SLC24A3: variants seen among roughly 807,000 people sequenced by gnomAD.
The protein encoded by SLC24A3 is solute carrier family 24 member 3.
Under a neutral mutation model 75.8 loss-of-function variants are expected in SLC24A3, and 28 were observed. The observed-to-expected ratio is 0.37, with a 90% confidence interval of 0.27 to 0.51. The LOEUF is 0.51. SLC24A3 is among the 20% of genes least tolerant of loss of function. The probability of loss-of-function intolerance (pLI) is 0.94; values close to 1 mark genes in which losing one functional copy is unlikely to be tolerated. For missense variants in SLC24A3, 663 were observed against 847.8 expected (o/e 0.78, Z 2.71); for synonymous variants, 372 against 334.1 (o/e 1.11, Z -1.24).
chr20:19,237,475 G>A (rs992156497), intron 1 of SLC24A3, among the ~76,000 whole-genome samples: 8 of 152,134 alleles, frequency 5.3e-5, no homozygotes, highest in African/African-American at 1.9e-4. Flanking sequence ...TGCTTTGTGG[G>A]TTCGGCACCT....
At chr20:19,408,405 T>A (rs1313425316) in intron 2 of SLC24A3, among the ~76,000 whole-genome samples, 1 of 151,758 alleles carries the variant, frequency 6.6e-6, no homozygotes, top group Admixed American at 6.6e-5. Flanking sequence ...TTTTTTTTTT[T>A]TTGAGACAGA....
intron 2 of SLC24A3, among the ~76,000 whole-genome samples, chr20:19,382,353 T>C (rs1986197054): frequency 6.6e-6 from 1 of 152,174 alleles, no homozygotes; most frequent in South Asian, 2.1e-4. Context: ...ATCTGAGTAA[T>C]TGAAGCTGTA....
intron 6 of SLC24A3, among the ~76,000 whole-genome samples, chr20:19,648,120 AG>A (rs1478811254): frequency 1.3e-5 from 2 of 152,300 alleles, no homozygotes; most frequent in Non-Finnish European, 2.9e-5. Flanking sequence ...GTTTTTTAAA[AG>A]TGTACTTCAT....
chr20:19,470,925 G>A (rs1217550232), intron 2 of SLC24A3, among the ~76,000 whole-genome samples: 3 of 152,304 alleles, frequency 2.0e-5, no homozygotes, highest in South Asian at 4.1e-4. Flanking sequence ...AAAACACTGT[G>A]GGGGTTCGAA....
intron 1 of SLC24A3, among the ~76,000 whole-genome samples, chr20:19,227,595 A>G (rs977487011): frequency 2.6e-5 from 4 of 152,208 alleles, no homozygotes; most frequent in Non-Finnish European, 5.9e-5. Context: ...AATTTAATTT[A>G]AACAGATTAA....
chr20:19,404,713 T>C (rs1986611550), intron 2 of SLC24A3, among the ~76,000 whole-genome samples: 1 of 152,140 alleles, frequency 6.6e-6, no homozygotes, highest in Non-Finnish European at 1.5e-5. Context: ...GTGTGGTCTG[T>C]TCAGAGTGCA....
intron 3 of SLC24A3, among the ~76,000 whole-genome samples, chr20:19,536,602 A>G (rs922863944): frequency 6.6e-6 from 1 of 152,256 alleles, no homozygotes; most frequent in African/African-American, 2.4e-5. Context: ...AGCTGGAGGC[A>G]TCACGCTACC....
chr20:19,300,312 G>A (rs1192211375), intron 2 of SLC24A3, among the ~76,000 whole-genome samples: 1 of 152,096 alleles, frequency 6.6e-6, no homozygotes, highest in East Asian at 1.9e-4. Context: ...TTTGAACCTG[G>A]CTGCCATGTT....
intron 2 of SLC24A3, among the ~76,000 whole-genome samples, chr20:19,318,796 GTCCCCAGAAC>G (rs1393336959): frequency 6.6e-6 from 1 of 152,176 alleles, no homozygotes; most frequent in East Asian, 1.9e-4. Flanking sequence ...GGGCAGTCAT[GTCCCCAGAAC>G]TGCTGTCCTG....
chr20:19,492,885 T>C (rs1237345000), intron 2 of SLC24A3, among the ~76,000 whole-genome samples: 3 of 152,166 alleles, frequency 2.0e-5, no homozygotes, highest in African/African-American at 7.2e-5. Flanking sequence ...AGGCATCCTG[T>C]GTGTACTTCT....
At chr20:19,407,210 A>T (rs1986662721) in intron 2 of SLC24A3, among the ~76,000 whole-genome samples, 2 of 152,230 alleles carry the variant, frequency 1.3e-5, no homozygotes, top group Admixed American at 1.3e-4. Context: ...CACAGAGTCC[A>T]CAAGCAGAGT....
At chr20:19,719,851 C>T (rs561192662) in intron 16 of SLC24A3, among the ~76,000 whole-genome samples, 18 of 152,156 alleles carry the variant, frequency 1.2e-4, no homozygotes, top group Non-Finnish European at 1.6e-4. Context: ...GTGGATGCCC[C>T]GGAGTGACTC....
At chr20:19,660,522 C>T (rs2032315330) in intron 7 of SLC24A3, among the ~76,000 whole-genome samples, 1 of 152,128 alleles carries the variant, frequency 6.6e-6, no homozygotes, top group Non-Finnish European at 1.5e-5. Context: ...CCATATTTTC[C>T]TTATCCACTC....
At chr20:19,553,439 G>A (rs534839998) in intron 3 of SLC24A3, among the ~76,000 whole-genome samples, 19 of 152,290 alleles carry the variant, frequency 1.2e-4, no homozygotes, top group South Asian at 8.3e-4. Flanking sequence ...TTCAGAAAAT[G>A]AGAAATCTCA....
intron 3 of SLC24A3, among the ~76,000 whole-genome samples, chr20:19,537,684 A>G (rs1488029560): frequency 6.6e-6 from 1 of 152,154 alleles, no homozygotes; most frequent in Non-Finnish European, 1.5e-5. Context: ...ACACCATGGA[A>G]TACTATGCAG....
chr20:19,223,413 C>T (rs375498346), intron 1 of SLC24A3, among the ~76,000 whole-genome samples: 29 of 152,144 alleles, frequency 1.9e-4, no homozygotes, highest in African/African-American at 6.5e-4. Context: ...TGATACAATC[C>T]ACGAACTTTA....
At chr20:19,256,972 T>C (rs1449614723) in intron 1 of SLC24A3, among the ~76,000 whole-genome samples, 2 of 152,102 alleles carry the variant, frequency 1.3e-5, no homozygotes, top group Non-Finnish European at 2.9e-5. Context: ...AATTCATGGC[T>C]CGCATTAGAT....
chr20:19,356,852 T>TTAATAATAATAA (rs11275262), intron 2 of SLC24A3, among the ~76,000 whole-genome samples: 1,840 of 149,856 alleles, frequency 0.012, 32 homozygotes, highest in African/African-American at 0.041. Flanking sequence ...AGACTTTGCA[T>TTAATAATAATAA]TAATAATAAT....
chr20:19,427,047 CTGTGTGTGCGTG>C (rs1197191831), intron 2 of SLC24A3, among the ~76,000 whole-genome samples: 2 of 151,996 alleles, frequency 1.3e-5, no homozygotes, highest in East Asian at 3.9e-4. Flanking sequence ...GTGTGTATGC[CTGTGTGTGCGTG>C]TGTGTGTGCA....
Sources: allele counts gnomAD v4.1 joint callset (sites outside exome capture counted in the v4.1 genomes callset), GRCh38; gene constraint gnomAD v4.1.1; transcripts MANE v1.5; gene names NCBI Gene and HGNC (gene_info 2026-07-23, HGNC 2026-07-21).